The following FGL1 variants were observed in gnomAD, a reference collection of about 807,000 sequenced individuals.
The protein encoded by FGL1 is fibrinogen like 1.
In FGL1, 59 loss-of-function variants were observed where a neutral mutation model predicts 43.7. The observed-to-expected ratio is 1.35, with a 90% confidence interval of 1.10 to 1.68. The LOEUF (loss-of-function observed/expected upper bound fraction) is 1.68. FGL1 is among the 40% of genes most tolerant of loss of function. The pLI, the probability that FGL1 is intolerant of heterozygous loss-of-function variation, is 0.00. For synonymous variants in FGL1, 192 were observed against 126.5 expected (o/e 1.52, Z -3.48); for missense variants, 596 against 373.0 (o/e 1.60, Z -4.92).
chr8:17,864,932 T>A (rs545887860), intron 7 of FGL1, among the ~76,000 whole-genome samples, 181 bp from the exon 8 acceptor site: 1 of 152,218 alleles, frequency 6.6e-6, no homozygotes, highest in Admixed American at 6.5e-5. Context: ...ATGGCTATTG[T>A]ATTTTATTTT....
At chr8:17,866,328 G>T (rs34320689) in intron 7 of FGL1, among the ~76,000 whole-genome samples, 1 of 141,224 alleles carries the variant, frequency 7.1e-6, no homozygotes, top group Non-Finnish European at 1.5e-5. Context: ...ACATCAACTC[G>T]CAGTGATTGG....
In FGL1 at chr8:17,881,138, A is replaced by ATTTTTTTTTTTTT. The variant is rs34570292; in HGVS notation, c.244+848_244+860dup. Among the ~76,000 whole-genome samples the ATTTTTTTTTTTTT allele has an allele frequency of 1.0e-3, 143 of 142,916 alleles. 2 individuals carry two copies. Among genetic ancestry groups the ATTTTTTTTTTTTT allele is most frequent in the African/African-American group, 3.6e-3 (134 of 36,816 alleles). 93.8% of individuals were successfully genotyped at this position (142,916 alleles called of 152,430 possible). ...ATTGTAATCTGCCATGTGTACACGG[A>ATTTTTTTTTTTTT]TTTTTTTTTTTTTTTTGAGACAGAG... On this transcript the variant is annotated intron_variant, in intron 3 of 7. Transcript: ENST00000427924.
intron 3 of FGL1, among the ~76,000 whole-genome samples, chr8:17,875,543 T>TTCTTTCTTTCTTTCTTTCTCTC (rs2053439460): frequency 5.9e-5 from 1 of 16,828 alleles, no homozygotes; most frequent in African/African-American, 1.7e-4. Context: ...TTCTCTTTCT[T>TTCTTTCTTTCTTTCTTTCTCTC]TCTTTCTTTC....
chr8:17,889,261 G>A (rs899961552), intron 1 of FGL1, among the ~76,000 whole-genome samples: 8 of 152,164 alleles, frequency 5.3e-5, no homozygotes, highest in South Asian at 2.1e-4. Flanking sequence ...ACACTCTGCC[G>A]AACTTTGGCT....
At chr8:17,865,732 T>C (rs2131687900) in intron 7 of FGL1, among the ~76,000 whole-genome samples, 1 of 152,316 alleles carries the variant, frequency 6.6e-6, no homozygotes, top group Non-Finnish European at 1.5e-5. Context: ...TACTTCTTTA[T>C]TGATAAAATT....
chr8:17,886,315 A>T (rs1306728542), intron 1 of FGL1, among the ~76,000 whole-genome samples: 1 of 152,206 alleles, frequency 6.6e-6, no homozygotes, highest in African/African-American at 2.4e-5. Flanking sequence ...TTTTGGTTTG[A>T]TTGAACACAT....
At chr8:17,882,556 C>A (rs2131727857) in intron 2 of FGL1, 1 of 155,924 alleles carries the variant, frequency 6.4e-6, no homozygotes, top group Admixed American at 6.5e-5. Flanking sequence ...TGCTCTCAAT[C>A]TCTATATGAC....
At chr8:17,889,912 A>C (rs982004078) in intron 1 of FGL1, among the ~76,000 whole-genome samples, 2 of 152,354 alleles carry the variant, frequency 1.3e-5, no homozygotes, top group East Asian at 3.9e-4. Context: ...TACCAAAAAA[A>C]TAGGTTCAAA....
At chr8:17,894,995 GC>G (rs2053754609) in intron 1 of FGL1, among the ~76,000 whole-genome samples, 1 of 150,658 alleles carries the variant, frequency 6.6e-6, no homozygotes, top group Non-Finnish European at 1.5e-5. Context: ...TTTTTGACAG[GC>G]CTCTGTCTCT....
chr8:17,876,555 A>G (rs1033522521), intron 3 of FGL1, among the ~76,000 whole-genome samples: 1 of 152,222 alleles, frequency 6.6e-6, no homozygotes, highest in Non-Finnish European at 1.5e-5. Context: ...CAATTAAACA[A>G]GAAGCAAAAC....
chr8:17,867,235 G>A lies in FGL1; in HGVS notation c.779+1313C>T, dbSNP rs7824933. ...ACTATGCTTTTTCAGTCTGATAACC[G>A]AAACAGCTACGAAGTGAGTAACGAG... On this transcript the variant is annotated intron_variant, in intron 7 of 7. Coordinates refer to ENST00000427924, the MANE Select transcript of FGL1 (RefSeq NM_004467.4). Among the ~76,000 whole-genome samples, 1,429 of 152,134 alleles carry A rather than the reference G, an allele frequency of 9.4e-3. 21 individuals are homozygous for A. The highest frequency in any genetic ancestry group is 0.033 in the African/African-American group (1,351 of 41,508).
chr8:17,890,367 A>G (rs433342), intron 1 of FGL1, among the ~76,000 whole-genome samples: 81,841 of 152,092 alleles, frequency 0.54, 25,039 homozygotes, highest in Non-Finnish European at 0.71. Flanking sequence ...CACCTCCTCA[A>G]CACATCTCTT....
intron 1 of FGL1, among the ~76,000 whole-genome samples, chr8:17,886,146 G>A (rs2073566): frequency 0.51 from 77,660 of 151,602 alleles, 22,658 homozygotes; most frequent in Non-Finnish European, 0.67. Flanking sequence ...TTGCTTCTAC[G>A]GAATTATTCC....
rs143006380 is a variant in FGL1, at chr8:17,868,548, C to T, written c.779G>A (p.Arg260Lys). The change falls in exon 7 of 8, where the codon AGG becomes AAG. Residue 260 changes from arginine to lysine, a missense_variant and splice_region_variant. Arg to Lys is a conservative substitution (Grantham distance 26, BLOSUM62 2). Coordinates refer to ENST00000427924, the MANE Select transcript of FGL1 (RefSeq NM_004467.4). ...EEDQSGWWFNRCHSANLNGVY... is the reference protein window; with the variant it reads ...EEDQSGWWFNKCHSANLNGVY... The stretch of plus-strand genomic sequence containing the variant: ...CAACTATGCTCATAAGACATCAAAC[C>T]TGTTAAACCACCAGCCAGACTGATC... 2 of 1,608,540 alleles carry T rather than the reference C, an allele frequency of 1.2e-6. No homozygotes were observed. Among genetic ancestry groups the T allele is most frequent in the East Asian group, 2.2e-5 (1 of 44,714 alleles).
intron 3 of FGL1, among the ~76,000 whole-genome samples, chr8:17,880,571 T>G (rs957137180): frequency 2.6e-5 from 4 of 152,188 alleles, no homozygotes; most frequent in African/African-American, 9.7e-5. Flanking sequence ...TATGAGGATC[T>G]ACTATGTTTC....
At chr8:17,884,095 CCCTT>C (rs573632270) in intron 2 of FGL1, among the ~76,000 whole-genome samples, 1 of 118,766 alleles carries the variant, frequency 8.4e-6, no homozygotes, top group Non-Finnish European at 1.6e-5. Flanking sequence ...CTCCCTCCCT[CCCTT>C]CCTTCTTTTC....
chr8:17,868,828 T>G (rs1347723389), intron 6 of FGL1, 88 bp downstream of exon 6: 1 of 1,472,804 alleles, frequency 6.8e-7, no homozygotes, highest in African/African-American at 1.4e-5. Context: ...CAGGTTCTAT[T>G]GTATATTTTT....
intron 3 of FGL1, among the ~76,000 whole-genome samples, chr8:17,878,456 A>C (rs1004029330): frequency 2.0e-5 from 3 of 152,128 alleles, no homozygotes; most frequent in Non-Finnish European, 4.4e-5. Context: ...GCCTCAAGAC[A>C]CTCACATGCA....
In FGL1 at chr8:17,868,924, C is replaced by G. The variant is rs368200345; in HGVS notation, c.583G>C (p.Asp195His). 4 of 1,593,566 alleles carry G rather than the reference C, an allele frequency of 2.5e-6. No individual in the cohort carries two copies. Among genetic ancestry groups the G allele is most frequent in the African/African-American group, 1.4e-5 (1 of 73,812 alleles). The change falls in exon 6 of 8, where the codon GAT (aspartate) becomes CAT (histidine). Residue 195 changes from aspartate (D) to histidine (H), a missense_variant. Physicochemically the swap from Asp to His is moderately conservative, Grantham distance 81. Coordinates refer to ENST00000427924, the MANE Select transcript of FGL1 (RefSeq NM_004467.4). ...YAQYKNFKVGDEKNFYELNIG... is the reference protein window; with the variant it reads ...YAQYKNFKVGHEKNFYELNIG... ...TTAGAAAATTGTAGTACCTTTTCAT[C>G]TCCAACTTTGAAATTCTTATATTGT...
Sources: gnomAD v4.1 joint callset for allele counts (sites outside exome capture counted in the v4.1 genomes callset) on GRCh38, gnomAD v4.1.1 for gene constraint, MANE v1.5 for transcripts, NCBI Gene and HGNC (gene_info 2026-07-23, HGNC 2026-07-21) for gene names.